The following CNOT6L variants were observed in gnomAD, a reference collection of about 807,000 sequenced individuals.
CNOT6L encodes the protein CCR4-NOT transcription complex subunit 6-like.
CNOT6L carries 7 observed loss-of-function variants against 64.0 expected under a neutral mutation model. The observed-to-expected ratio is 0.11, with a 90% CI of 0.06 to 0.21. CNOT6L has a LOEUF of 0.21. CNOT6L is among the 10% of genes least tolerant of loss of function. CNOT6L has a pLI of 1.00. For synonymous variants in CNOT6L, 193 were observed against 243.4 expected (o/e 0.79, Z 1.93); for missense variants, 245 against 669.0 (o/e 0.37, Z 6.99).
Position 77,755,223 on chromosome 4 carries a change from G to GTTTTTTTTTTTTTTTTTTTTTTTTT in CNOT6L, c.490+1614_490+1638dup. 2.8e-5 allele frequency among the ~76,000 whole-genome samples: 2 copies of GTTTTTTTTTTTTTTTTTTTTTTTTT among 70,392 alleles called. 1 individual carries two copies. 46.2% of individuals were successfully genotyped at this position (70,392 alleles called of 152,430 possible). A position where few individuals can be genotyped will look rare whatever the true frequency, so the allele number is the denominator to read the frequency against. On this transcript the variant is annotated intron_variant, in intron 5 of 11. Transcript: ENST00000504123. ...ACTGGCTACATCTATAGAGACAAGA[G>GTTTTTTTTTTTTTTTTTTTTTTTTT]TTTTTTTTTTTTTTTTTTTTTTTTT...
At chr4:77,782,798 A>G (rs1333471628) in intron 1 of CNOT6L, among the ~76,000 whole-genome samples, 1 of 152,108 alleles carries the variant, frequency 6.6e-6, no homozygotes, top group African/African-American at 2.4e-5. Context: ...ATTTTTAACT[A>G]TACACAACTA....
intron 1 of CNOT6L, among the ~76,000 whole-genome samples, chr4:77,801,772 C>G (rs952406783): frequency 1.1e-4 from 16 of 148,476 alleles, no homozygotes; most frequent in Non-Finnish European, 2.1e-4. Flanking sequence ...TGCCTGTAGT[C>G]CCAGCTACTC....
At position 77,716,659 on chromosome 4, in the gene CNOT6L, G is replaced by A. The variant is rs759017487; in HGVS notation, c.*3772C>T. ...CTAATATAATCTACCATAGAATCAA[G>A]TGATATGAGCCTTAGATATCTTTCA... is the stretch of plus-strand genomic sequence containing the variant. On this transcript the variant is annotated 3_prime_UTR_variant, in exon 12 of 12. Coordinates refer to ENST00000504123, the MANE Select transcript of CNOT6L (RefSeq NM_144571.3). 2 of 152,422 alleles carry A rather than the reference G, an allele frequency of 1.3e-5. No individual in the cohort carries two copies. Among genetic ancestry groups the A allele is most frequent in the Non-Finnish European group, 1.5e-5 (1 of 68,006 alleles). 9.4% of individuals were successfully genotyped at this position (152,422 alleles called of 1,614,324 possible).
intron 1 of CNOT6L, among the ~76,000 whole-genome samples, chr4:77,787,111 CA>C (rs370622511): frequency 0.05 from 7,622 of 151,728 alleles, 232 homozygotes; most frequent in African/African-American, 0.084. Context: ...ATTAAAAATA[CA>C]AAAAAACAGC....
In CNOT6L at chr4:77,742,176, A is replaced by G. The variant is rs755268645; in HGVS notation, c.837T>C (p.His279=). The G allele has an allele frequency of 3.1e-6, 5 of 1,613,470 alleles. No individual in the cohort carries two copies. Among genetic ancestry groups the G allele is most frequent in the South Asian group, 2.2e-5 (2 of 91,050 alleles). ...AKIMSEQERK[H]VDGCAIFFKT... is the part of the protein sequence containing the mutation. ...TGAAGAATATTGCACAACCATCTAC[A>G]TGCTTTCTCTCCTGCTCAGACATGA... is the stretch of plus-strand genomic sequence containing the variant. Residue 279 remains histidine, a synonymous_variant, in exon 8 of 12, where the codon CAT becomes CAC. Coordinates refer to ENST00000504123, the MANE Select transcript of CNOT6L (RefSeq NM_144571.3).
chr4:77,793,220 G>A (rs943029569), intron 1 of CNOT6L, among the ~76,000 whole-genome samples: 10 of 152,148 alleles, frequency 6.6e-5, no homozygotes, highest in African/African-American at 1.4e-4. Context: ...CAAATTCTTC[G>A]TAAGAGATGA....
intron 1 of CNOT6L, among the ~76,000 whole-genome samples, chr4:77,807,603 T>C (rs1732400593): frequency 6.6e-6 from 1 of 152,160 alleles, no homozygotes; most frequent in African/African-American, 2.4e-5. Context: ...TATAAGGTAT[T>C]GTAGGCATAT....
chr4:77,765,025 A>G (rs1217802684), intron 4 of CNOT6L, among the ~76,000 whole-genome samples: 1 of 152,200 alleles, frequency 6.6e-6, no homozygotes, highest in Non-Finnish European at 1.5e-5. Context: ...AGGATGAGAC[A>G]GGAGGTCAGG....
At chr4:77,741,985 A>G (rs1355574421) in intron 8 of CNOT6L, among the ~76,000 whole-genome samples, 156 bp downstream of exon 8, 1 of 152,222 alleles carries the variant, frequency 6.6e-6, no homozygotes, top group African/African-American at 2.4e-5. Context: ...TCGAATACAC[A>G]GCCTGAGAAA....
chr4:77,814,453 C>G (rs1376316322), intron 1 of CNOT6L, among the ~76,000 whole-genome samples: 2 of 152,108 alleles, frequency 1.3e-5, no homozygotes. Flanking sequence ...TTTTATGTCT[C>G]AGAATGTCTA....
intron 4 of CNOT6L, among the ~76,000 whole-genome samples, chr4:77,768,112 A>G (rs1169261519): frequency 6.6e-6 from 1 of 152,154 alleles, no homozygotes; most frequent in African/African-American, 2.4e-5. Context: ...TTCTGTTATT[A>G]ACAACACACA....
At chr4:77,794,173 A>AAAG (rs1730511345) in intron 1 of CNOT6L, among the ~76,000 whole-genome samples, 1 of 150,454 alleles carries the variant, frequency 6.6e-6, no homozygotes, top group African/African-American at 2.4e-5. Flanking sequence ...AAAAAAAAAA[A>AAAG]AAAGATTTTA....
At chr4:77,803,967 T>C (rs1025778827) in intron 1 of CNOT6L, among the ~76,000 whole-genome samples, 3 of 151,820 alleles carry the variant, frequency 2.0e-5, no homozygotes, top group African/African-American at 7.3e-5. Flanking sequence ...TGGAAAAGTT[T>C]GTCAATTCCT....
At chr4:77,757,525 T>C (rs1725708852) in intron 4 of CNOT6L, among the ~76,000 whole-genome samples, 1 of 152,152 alleles carries the variant, frequency 6.6e-6, no homozygotes, top group Non-Finnish European at 1.5e-5. Context: ...AAGAACACAC[T>C]ATTGGTAACA....
chr4:77,736,861 T>C (rs150500245), intron 8 of CNOT6L, among the ~76,000 whole-genome samples: 193 of 152,240 alleles, frequency 1.3e-3, no homozygotes, highest in African/African-American at 4.5e-3. Context: ...TAAAAGAACA[T>C]ATATTAATAT....
chr4:77,756,739 A>G, intron 5 of CNOT6L, 123 bp downstream of exon 5: 2 of 576,940 alleles, frequency 3.5e-6, no homozygotes, highest in South Asian at 2.5e-5. Flanking sequence ...TAGGATATAC[A>G]ATGGAAGGAA....
At position 77,718,804 on chromosome 4, in the gene CNOT6L, C is replaced by T. The variant is rs1480700932; in HGVS notation, c.*1627G>A. On this transcript the variant is annotated 3_prime_UTR_variant, in exon 12 of 12. Transcript: ENST00000504123. The stretch of plus-strand genomic sequence containing the variant: ...CATCATTTAAGACTAATAAAACAGC[C>T]GAAGATGTCAGGTTTGAAAGAGGAG... 2.6e-5 allele frequency: 4 copies of T among 152,220 alleles called. No homozygotes were observed. Among genetic ancestry groups the T allele is most frequent in the Admixed American group, 6.6e-5 (1 of 15,218 alleles). 9.4% of individuals were successfully genotyped at this position (152,220 alleles called of 1,614,324 possible).
Position 77,731,487 on chromosome 4 carries a change from A to G in CNOT6L, c.924T>C (p.Ala308=). Residue 308 remains alanine (A), a synonymous_variant, in exon 9 of 12, where the codon GCT becomes GCC. Coordinates refer to ENST00000504123, the MANE Select transcript of CNOT6L (RefSeq NM_144571.3). ...HTVEFNQVAM[A]NSDGSEAMLN... ...GCATAGCTTCGGATCCATCTGAATT[A>G]GCCATCGCCACTTGGTTAAATTCCA... is the stretch of plus-strand genomic sequence containing the variant. 1.2e-6 allele frequency: 2 copies of G among 1,606,226 alleles called. No homozygotes were observed. The highest frequency in any genetic ancestry group is 2.2e-5 in the South Asian group (2 of 89,464).
intron 4 of CNOT6L, among the ~76,000 whole-genome samples, chr4:77,760,725 A>T (rs955638077): frequency 8.2e-5 from 12 of 145,856 alleles, no homozygotes; most frequent in Middle Eastern, 7.1e-3. Context: ...AGGAAAGGAA[A>T]TTTTTTTTTT....
Sources: allele counts gnomAD v4.1 joint callset (sites outside exome capture counted in the v4.1 genomes callset), GRCh38; gene constraint gnomAD v4.1.1; transcripts MANE v1.5; gene names NCBI Gene and HGNC (gene_info 2026-07-23, HGNC 2026-07-21).